Variants in TAFA1 observed in about 807,000 individuals in gnomAD.
TAFA1 encodes chemokine-like protein TAFA-1.
Under a neutral mutation model 18.5 loss-of-function variants are expected in TAFA1, and 4 were observed. The ratio of observed to expected loss-of-function variants is 0.22; its 90% CI spans 0.11 to 0.49. TAFA1 has a LOEUF of 0.49. TAFA1 is among the 20% of genes least tolerant of loss of function. TAFA1 has a pLI of 0.98. For synonymous variants in TAFA1, 56 were observed against 55.2 expected, an observed-to-expected ratio of 1.01 and a Z score of -0.06; for missense variants, 147 against 169.0, an observed-to-expected ratio of 0.87 and a Z score of 0.72.
At chr3:68,172,917 G>A (rs1292829390) in intron 2 of TAFA1, among the ~76,000 whole-genome samples, 2 of 152,108 alleles carry the variant, frequency 1.3e-5, no homozygotes, top group African/African-American at 2.4e-5. Flanking sequence ...TTTCTCTTTA[G>A]GGTGGTAAAA....
At chr3:68,527,519 A>G (rs1306076679) in intron 3 of TAFA1, among the ~76,000 whole-genome samples, 1 of 152,142 alleles carries the variant, frequency 6.6e-6, no homozygotes, top group East Asian at 1.9e-4. Flanking sequence ...CAGTTTTGTT[A>G]ATTACTTAAT....
intron 2 of TAFA1, among the ~76,000 whole-genome samples, chr3:68,335,863 T>C (rs1277567831): frequency 6.6e-6 from 1 of 152,216 alleles, no homozygotes. Context: ...GATTTACTTA[T>C]GGAAAACTTT....
chr3:68,512,802 T>C (rs1389739351), intron 3 of TAFA1, among the ~76,000 whole-genome samples: 3 of 152,146 alleles, frequency 2.0e-5, no homozygotes, highest in African/African-American at 7.2e-5. Flanking sequence ...TTTCTTCTGG[T>C]GTCAGAACTC....
intron 2 of TAFA1, among the ~76,000 whole-genome samples, chr3:68,236,974 A>G (rs558257994): frequency 6.6e-6 from 1 of 152,340 alleles, no homozygotes; most frequent in African/African-American, 2.4e-5. Context: ...TCTAATGAAA[A>G]TTAGATTATG....
intron 2 of TAFA1, chr3:68,145,361 C>T (rs1225986786): frequency 1.2e-6 from 1 of 816,060 alleles, no homozygotes; most frequent in African/African-American, 1.7e-5. Flanking sequence ...CACCTTTGCC[C>T]TGGTCTCTCA....
intron 2 of TAFA1, among the ~76,000 whole-genome samples, chr3:68,301,043 C>T (rs1407144396): frequency 2.6e-5 from 4 of 152,098 alleles, no homozygotes; most frequent in African/African-American, 9.7e-5. Context: ...ATCGTGTAAC[C>T]ACTAAACAAA....
intron 2 of TAFA1, among the ~76,000 whole-genome samples, chr3:68,320,447 C>T (rs138621671): frequency 2.0e-4 from 31 of 152,232 alleles, no homozygotes; most frequent in East Asian, 1.7e-3. Flanking sequence ...TGATGGGAGA[C>T]GGGAAGGTAC....
intron 2 of TAFA1, among the ~76,000 whole-genome samples, chr3:68,165,390 C>T (rs969259461): frequency 1.3e-5 from 2 of 152,186 alleles, no homozygotes; most frequent in Non-Finnish European, 2.9e-5. Flanking sequence ...TAGGGTTACA[C>T]TTTGGTTTTA....
At chr3:68,375,610 A>G (rs527277128) in intron 2 of TAFA1, among the ~76,000 whole-genome samples, 2 of 152,332 alleles carry the variant, frequency 1.3e-5, no homozygotes, top group Admixed American at 1.3e-4. Context: ...ACTATGAATC[A>G]TTCTTTTCTT....
At chr3:68,412,564 C>T (rs2070737376) in intron 2 of TAFA1, among the ~76,000 whole-genome samples, 1 of 152,044 alleles carries the variant, frequency 6.6e-6, no homozygotes. Flanking sequence ...GTGTGATGTT[C>T]CCCACCCTGT....
chr3:68,307,412 G>T (rs1175022955), intron 2 of TAFA1, among the ~76,000 whole-genome samples: 4 of 152,018 alleles, frequency 2.6e-5, no homozygotes, highest in African/African-American at 4.8e-5. Context: ...GTAATCACCA[G>T]GTATATAAAT....
chr3:68,332,635 A>G (rs1393182465), intron 2 of TAFA1, among the ~76,000 whole-genome samples: 1 of 152,214 alleles, frequency 6.6e-6, no homozygotes, highest in African/African-American at 2.4e-5. Flanking sequence ...AGACATGCAT[A>G]TTAAATGAAG....
chr3:68,338,685 C>A (rs192416529), intron 2 of TAFA1, among the ~76,000 whole-genome samples: 1 of 152,292 alleles, frequency 6.6e-6, no homozygotes, highest in African/African-American at 2.4e-5. Context: ...AACCTGTATA[C>A]AAGGTTGATT....
In TAFA1 at chr3:68,144,845, T is replaced by C. The variant is rs370638201; in HGVS notation, c.118+138101T>C. ...TTTTAACTCCATGCTCTTTGACTTT[T>C]AACCTGAGCACAATGTCTTTTACAT... is the stretch of plus-strand genomic sequence containing the variant. On this transcript the variant is annotated intron_variant, in intron 2 of 4. Coordinates refer to ENST00000478136, the MANE Select transcript of TAFA1 (RefSeq NM_213609.4). Among the ~76,000 whole-genome samples, 4 of 152,224 alleles carry C rather than the reference T, an allele frequency of 2.6e-5. No homozygotes were observed. The East Asian group carries it at 5.8e-4, about 22-fold the overall frequency.
intron 2 of TAFA1, among the ~76,000 whole-genome samples, chr3:68,249,850 A>G (rs2067159437): frequency 6.6e-6 from 1 of 152,126 alleles, no homozygotes; most frequent in Non-Finnish European, 1.5e-5. Flanking sequence ...TTTTTTTGTG[A>G]GTACCCTCCT....
At chr3:68,000,910 T>C (rs913147781), upstream of TAFA1, among the ~76,000 whole-genome samples, 9 of 151,974 alleles carry the variant, frequency 5.9e-5, no homozygotes, top group East Asian at 3.8e-4. Flanking sequence ...GCTCAAACTA[T>C]TGCGTTGTTG....
chr3:68,001,579 GTT>G (rs79820862), upstream of TAFA1, among the ~76,000 whole-genome samples: 7 of 135,740 alleles, frequency 5.2e-5, no homozygotes, highest in Admixed American at 7.3e-5. Context: ...TGTTGTTGTT[GTT>G]TTTTTTTTTT....
At chr3:68,020,194 A>G (rs991893103) in intron 2 of TAFA1, among the ~76,000 whole-genome samples, 2 of 152,166 alleles carry the variant, frequency 1.3e-5, no homozygotes, top group Admixed American at 1.3e-4. Flanking sequence ...ATCTACTTAC[A>G]TCTTTGGAAA....
intron 2 of TAFA1, among the ~76,000 whole-genome samples, chr3:68,331,854 T>TTC: frequency 7.3e-6 from 1 of 137,678 alleles, no homozygotes; most frequent in Non-Finnish European, 1.6e-5. Context: ...GTCTTTTCTT[T>TTC]TCTTTTTTTT....
Sources: allele counts gnomAD v4.1 joint callset (sites outside exome capture counted in the v4.1 genomes callset), GRCh38; gene constraint gnomAD v4.1.1; transcripts MANE v1.5; gene names NCBI Gene and HGNC (gene_info 2026-07-23, HGNC 2026-07-21).